The following FRMD4B variants were observed in gnomAD, a reference collection of about 807,000 sequenced individuals.
The protein encoded by FRMD4B is FERM domain-containing protein 4B.
Under a neutral mutation model 141.5 loss-of-function variants are expected in FRMD4B, and 74 were observed. That is an observed-to-expected ratio of 0.52 (90% CI 0.43 to 0.63). The LOEUF is 0.63. FRMD4B is among the 30% of genes least tolerant of loss of function. The probability of loss-of-function intolerance (pLI) is 0.00; values close to 1 mark genes in which losing one functional copy is unlikely to be tolerated. For synonymous variants in FRMD4B, 506 were observed against 467.9 expected (o/e 1.08, Z -1.05); for missense variants, 1,366 against 1,253.4 (o/e 1.09, Z -1.36).
At chr3:69,195,195 A>C in intron 15 of FRMD4B, 36 bp downstream of exon 15, 1 of 1,613,406 alleles carries the variant, frequency 6.2e-7, no homozygotes, top group South Asian at 1.1e-5. Flanking sequence ...CAAAGTTGTC[A>C]AACACAACTT....
intron 5 of FRMD4B, 187 bp from the exon 6 acceptor site, chr3:69,250,286 T>TGTGC (rs1553710118): frequency 1.0e-5 from 5 of 488,412 alleles, no homozygotes; most frequent in East Asian, 3.4e-5. Context: ...AACCACTGTG[T>TGTGC]GTGCGTGTGT....
chr3:69,538,963 G>C lies in FRMD4B; in HGVS notation c.-129+3243C>G, dbSNP rs182434144. Among the ~76,000 whole-genome samples the C allele has an allele frequency of 2.8e-4, 43 of 152,330 alleles. No homozygotes were observed. The East Asian group carries it at 8.3e-3, about 29-fold the overall frequency. ...TACATGTAAGACCTGCTGATGAGCT[G>C]AGTACATTACTTATCTATAGGCTGA... On this transcript the variant is annotated intron_variant, in intron 1 of 5. Transcript: ENST00000459638.
chr3:69,510,218 C>T (rs904467441), intron 1 of FRMD4B, among the ~76,000 whole-genome samples: 3 of 151,826 alleles, frequency 2.0e-5, no homozygotes, highest in African/African-American at 4.8e-5. Flanking sequence ...GTAATAATAG[C>T]GATTTTTGTT....
chr3:69,537,460 C>G (rs372306153), intron 1 of FRMD4B, among the ~76,000 whole-genome samples: 1 of 152,214 alleles, frequency 6.6e-6, no homozygotes, highest in East Asian at 1.9e-4. Context: ...ACTTAAATAA[C>G]TGTTTTCACT....
intron 7 of FRMD4B, among the ~76,000 whole-genome samples, chr3:69,245,834 G>GTTGT (rs2093421887): frequency 1.3e-5 from 1 of 78,348 alleles, no homozygotes; most frequent in South Asian, 4.5e-4. Context: ...AGGCTAATTT[G>GTTGT]TTTTTTTTTT....
chr3:69,271,051 T>C (rs1224601453), intron 5 of FRMD4B, among the ~76,000 whole-genome samples: 1 of 152,216 alleles, frequency 6.6e-6, no homozygotes, highest in Non-Finnish European at 1.5e-5. Flanking sequence ...TATCGTAGTA[T>C]TTTTATATGA....
intron 2 of FRMD4B, among the ~76,000 whole-genome samples, chr3:69,414,492 T>A (rs181211453): frequency 6.6e-6 from 1 of 152,266 alleles, no homozygotes; most frequent in East Asian, 1.9e-4. Context: ...TTAGAAGGTG[T>A]TCCTTCGATG....
intron 1 of FRMD4B, among the ~76,000 whole-genome samples, chr3:69,450,892 TA>T (rs1705486349): frequency 6.6e-6 from 1 of 152,200 alleles, no homozygotes; most frequent in Admixed American, 6.5e-5. Context: ...CCCACTAAAC[TA>T]AACTTTCCCA....
At chr3:69,231,124 AG>A (rs990441924) in intron 7 of FRMD4B, among the ~76,000 whole-genome samples, 93 of 152,340 alleles carry the variant, frequency 6.1e-4, no homozygotes, top group African/African-American at 2.1e-3. Context: ...TGGGTGCTAT[AG>A]GCTTAACAAA....
chr3:69,237,234 G>C (rs1239523213), intron 7 of FRMD4B, among the ~76,000 whole-genome samples: 1 of 152,222 alleles, frequency 6.6e-6, no homozygotes, highest in Non-Finnish European at 1.5e-5. Flanking sequence ...GGAGGGGCCG[G>C]GAAAGGAAAC....
chr3:69,287,596 T>C (rs960298439), intron 5 of FRMD4B, 156 bp downstream of exon 5: 7 of 601,182 alleles, frequency 1.2e-5, no homozygotes, highest in South Asian at 2.0e-5. Context: ...ACCATTTGTG[T>C]ATGTGTGTAG....
At chr3:69,365,842 T>C (rs1191496129) in intron 1 of FRMD4B, among the ~76,000 whole-genome samples, 1 of 152,032 alleles carries the variant, frequency 6.6e-6, no homozygotes, top group African/African-American at 2.4e-5. Flanking sequence ...TCCAGCAATA[T>C]CATTTCAAAG....
intron 11 of FRMD4B, among the ~76,000 whole-genome samples, chr3:69,215,004 C>A (rs1433745993): frequency 6.6e-6 from 1 of 151,764 alleles, no homozygotes; most frequent in Non-Finnish European, 1.5e-5. Flanking sequence ...CTCAGCCTCC[C>A]GAGGAGCTGG....
intron 1 of FRMD4B, among the ~76,000 whole-genome samples, chr3:69,353,312 C>A (rs1016292684): frequency 6.6e-6 from 1 of 152,170 alleles, no homozygotes; most frequent in African/African-American, 2.4e-5. Flanking sequence ...TCAAACAGAG[C>A]ACATCCAACT....
chr3:69,270,866 A>C (rs1457586748), intron 5 of FRMD4B, among the ~76,000 whole-genome samples: 1 of 152,108 alleles, frequency 6.6e-6, no homozygotes, highest in Non-Finnish European at 1.5e-5. Flanking sequence ...GCCCAGCCCC[A>C]ACCAAGCATT....
At chr3:69,514,173 A>C (rs1002039723) in intron 1 of FRMD4B, among the ~76,000 whole-genome samples, 2 of 152,204 alleles carry the variant, frequency 1.3e-5, no homozygotes, top group Middle Eastern at 3.2e-3. Flanking sequence ...CCACCAAAGA[A>C]TCTGTTAGAA....
chr3:69,462,369 C>T (rs1705721004), intron 1 of FRMD4B, among the ~76,000 whole-genome samples: 1 of 152,188 alleles, frequency 6.6e-6, no homozygotes. Flanking sequence ...GATGTCTGGC[C>T]TGTCCCATAG....
intron 1 of FRMD4B, among the ~76,000 whole-genome samples, chr3:69,472,921 C>CTTTATTTTT (rs1705918630): frequency 1.1e-5 from 1 of 88,628 alleles, no homozygotes; most frequent in Non-Finnish European, 2.2e-5. Flanking sequence ...TCAAGTGAGT[C>CTTTATTTTT]TTTCTTTTTT....
intron 5 of FRMD4B, 67 bp from the exon 6 acceptor site, chr3:69,250,166 A>G (rs758271237): frequency 4.6e-6 from 5 of 1,079,934 alleles, no homozygotes; most frequent in Admixed American, 1.7e-5. Flanking sequence ...ATGGCTCTGA[A>G]GTTGAGGAAG....
Sources: gnomAD v4.1 joint callset for allele counts (sites outside exome capture counted in the v4.1 genomes callset) on GRCh38, gnomAD v4.1.1 for gene constraint, MANE v1.5 for transcripts, NCBI Gene and HGNC (gene_info 2026-07-23, HGNC 2026-07-21) for gene names.